The following FRY variants were observed in gnomAD, a reference collection of about 807,000 sequenced individuals.
FRY encodes protein furry homolog.
In FRY, 128 loss-of-function variants were observed where a neutral mutation model predicts 348.4. The observed-to-expected ratio is 0.37, with a 90% CI of 0.32 to 0.43. The LOEUF is 0.43. FRY is among the 20% of genes least tolerant of loss of function. The pLI, the probability that FRY is intolerant of heterozygous loss-of-function variation, is 1.00. For missense variants in FRY, 2,736 were observed against 3,695.2 expected, an observed-to-expected ratio of 0.74 and a Z score of 6.73; for synonymous variants, 1,370 against 1,374.7, an observed-to-expected ratio of 1.00 and a Z score of 0.08.
At chr13:32,047,181 C>T (rs1873068092) in intron 1 of FRY, among the ~76,000 whole-genome samples, 1 of 152,230 alleles carries the variant, frequency 6.6e-6, no homozygotes. Flanking sequence ...AGCATATTCA[C>T]TATTGTACTT....
chr13:32,149,969 T>G, intron 14 of FRY, 135 bp downstream of exon 14: 1 of 681,802 alleles, frequency 1.5e-6, no homozygotes, highest in Non-Finnish European at 2.7e-6. Flanking sequence ...ATGTCCAAAT[T>G]CAGATGATGG....
intron 58 of FRY, among the ~76,000 whole-genome samples, chr13:32,289,413 A>G (rs1469675870): frequency 6.6e-6 from 1 of 152,202 alleles, no homozygotes; most frequent in Non-Finnish European, 1.5e-5. Context: ...CTACTCTCTA[A>G]TTAGTCATCC....
At chr13:32,120,882 G>C (rs1195769817) in intron 4 of FRY, among the ~76,000 whole-genome samples, 1 of 152,182 alleles carries the variant, frequency 6.6e-6, no homozygotes, top group African/African-American at 2.4e-5. Flanking sequence ...AGCTGGTCTT[G>C]AACTCGTGAC....
intron 31 of FRY, among the ~76,000 whole-genome samples, chr13:32,208,006 A>G (rs1884454113): frequency 6.6e-6 from 1 of 152,250 alleles, no homozygotes; most frequent in South Asian, 2.1e-4. Flanking sequence ...TCTATCTTAG[A>G]AAGTTTATTT....
At chr13:32,248,341 A>G (rs1231997914) in intron 48 of FRY, among the ~76,000 whole-genome samples, 2 of 152,158 alleles carry the variant, frequency 1.3e-5, no homozygotes, top group African/African-American at 4.8e-5. Flanking sequence ...AAGAGAATAC[A>G]TGGACACAGG....
intron 3 of FRY, among the ~76,000 whole-genome samples, chr13:32,107,172 C>T (rs984948581): frequency 1.3e-5 from 2 of 152,140 alleles, no homozygotes; most frequent in Non-Finnish European, 2.9e-5. Context: ...GCCTGGCCAA[C>T]ATGGCAAAAC....
At chr13:32,097,371 T>C (rs1187209736) in intron 2 of FRY, among the ~76,000 whole-genome samples, 1 of 149,760 alleles carries the variant, frequency 6.7e-6, no homozygotes, top group Non-Finnish European at 1.5e-5. Context: ...CCTTTTTTTT[T>C]TTTTTTTTGA....
intron 28 of FRY, among the ~76,000 whole-genome samples, chr13:32,188,455 C>G (rs2138274764): frequency 6.6e-6 from 1 of 152,204 alleles, no homozygotes; most frequent in Middle Eastern, 3.4e-3. Context: ...CAAAATTGCC[C>G]TCATTTGATG....
At chr13:32,072,354 C>T (rs1373776111) in intron 1 of FRY, among the ~76,000 whole-genome samples, 8 of 151,966 alleles carry the variant, frequency 5.3e-5, no homozygotes, top group Non-Finnish European at 1.2e-4. Flanking sequence ...CTTTTCTTGG[C>T]CCACTTTAAA....
chr13:32,145,523 TTTG>T (rs1880351231), intron 11 of FRY, among the ~76,000 whole-genome samples: 3 of 120,504 alleles, frequency 2.5e-5, no homozygotes, highest in Admixed American at 8.3e-5. Flanking sequence ...CTCTGACTGA[TTTG>T]TTTTTTTTTT....
chr13:32,273,287 T>TC (rs565877100), intron 55 of FRY, among the ~76,000 whole-genome samples: 362 of 147,084 alleles, frequency 2.5e-3, no homozygotes, highest in African/African-American at 8.8e-3. Flanking sequence ...AGTGGCGCAA[T>TC]CTCGGCTCAC....
At position 32,239,050 on chromosome 13, in the gene FRY, A is replaced by C. The variant is rs1275358465; in HGVS notation, c.6419-202A>C. On this transcript the variant is annotated intron_variant, in intron 44 of 60. Transcript: ENST00000542859. The surrounding 1 kb of genome is among the most constrained non-coding windows in gnomAD (Gnocchi z 4.3). ...GATAATCACTGCATCTTAAAATCGC[A>C]GATCTACTTTACTGTCTTCTTTGTA... 6.6e-6 allele frequency among the ~76,000 whole-genome samples: 1 copy of C among 152,194 alleles called. No homozygotes were observed. Among genetic ancestry groups the C allele is most frequent in the African/African-American group, 2.4e-5 (1 of 41,450 alleles).
In FRY at chr13:32,109,759, A is replaced by G. The variant is rs574812393; in HGVS notation, c.325-7575A>G. Among the ~76,000 whole-genome samples the G allele has an allele frequency of 3.9e-5, 6 of 152,332 alleles. No individual in the cohort carries two copies. In the South Asian group the frequency reaches 1.2e-3, roughly 32 times the overall value. ...AGAAGGCTGTAAATCCGTTATGCATACTGAGTTTTCAGGGAAGGTGAAATA... is the reference window on the plus strand; with the variant it reads ...AGAAGGCTGTAAATCCGTTATGCATGCTGAGTTTTCAGGGAAGGTGAAATA... On this transcript the variant is annotated intron_variant, in intron 3 of 60. Coordinates refer to ENST00000542859, the MANE Select transcript of FRY (RefSeq NM_023037.3).
intron 2 of FRY, among the ~76,000 whole-genome samples, chr13:32,083,809 T>C (rs1875663140): frequency 6.6e-6 from 1 of 152,194 alleles, no homozygotes; most frequent in South Asian, 2.1e-4. Context: ...TAGATTTTTC[T>C]CTAGTCCATT....
intron 49 of FRY, 94 bp downstream of exon 49, chr13:32,249,781 A>G (rs1025243465): frequency 8.7e-7 from 1 of 1,154,928 alleles, no homozygotes. Flanking sequence ...TCACCATCCC[A>G]AGGTTGCCCA....
chr13:32,219,076 T>C (rs1885166462), intron 36 of FRY, among the ~76,000 whole-genome samples: 1 of 147,212 alleles, frequency 6.8e-6, no homozygotes, highest in African/African-American at 2.5e-5. Context: ...TTTCTATATA[T>C]ATACATATAT....
At chr13:32,083,672 C>A (rs1050317324) in intron 2 of FRY, among the ~76,000 whole-genome samples, 1 of 152,266 alleles carries the variant, frequency 6.6e-6, no homozygotes, top group Middle Eastern at 3.4e-3. Flanking sequence ...AACTGTATAT[C>A]TCAAACTTGT....
chr13:32,224,443 T>C (rs1885479200), intron 37 of FRY, 58 bp downstream of exon 37: 1 of 1,541,742 alleles, frequency 6.5e-7, no homozygotes, highest in South Asian at 1.1e-5. Context: ...TTTCTACCTA[T>C]GACAAGAGAA....
intron 17 of FRY, among the ~76,000 whole-genome samples, chr13:32,164,354 A>G (rs1359277374): frequency 6.6e-6 from 1 of 151,796 alleles, no homozygotes; most frequent in Non-Finnish European, 1.5e-5. Context: ...TTTTTTTCAT[A>G]ATTGGTAAAA....
Sources: gnomAD v4.1 joint callset for allele counts (sites outside exome capture counted in the v4.1 genomes callset) on GRCh38, gnomAD v4.1.1 for gene constraint, Gnocchi (gnomAD v3.1) non-coding constraint, MANE v1.5 for transcripts, NCBI Gene and HGNC (gene_info 2026-07-23, HGNC 2026-07-21) for gene names.